The following PCDH15 variants were observed in gnomAD, a reference collection of about 807,000 sequenced individuals.
PCDH15 encodes protocadherin related 15.
PCDH15 carries 129 observed loss-of-function variants against 178.5 expected under a neutral mutation model. The ratio of observed to expected loss-of-function variants is 0.72; its 90% CI spans 0.63 to 0.84. The LOEUF (loss-of-function observed/expected upper bound fraction) is 0.84, where lower values mean the gene tolerates loss of function less well. Among genes scored for constraint, PCDH15 ranks in the 40% least tolerant of loss-of-function variants. The pLI, the probability that PCDH15 is intolerant of heterozygous loss-of-function variation, is 0.00. For synonymous variants in PCDH15, 800 were observed against 732.0 expected (o/e 1.09, Z -1.50); for missense variants, 2,230 against 2,099.9 (o/e 1.06, Z -1.21).
chr10:54,841,096 C>T (rs1288885644), intron 3 of PCDH15, among the ~76,000 whole-genome samples: 1 of 151,764 alleles, frequency 6.6e-6, no homozygotes, highest in East Asian at 1.9e-4. Flanking sequence ...GAACATTCCA[C>T]CCATAAACAG....
intron 2 of PCDH15, among the ~76,000 whole-genome samples, chr10:55,569,396 T>C (rs1312634073): frequency 1.3e-5 from 2 of 152,024 alleles, no homozygotes; most frequent in African/African-American, 4.8e-5. Context: ...ATATTTAGTG[T>C]TATGCTCATC....
At chr10:54,404,794 C>A (rs1475763718) in intron 3 of PCDH15, among the ~76,000 whole-genome samples, 1 of 151,740 alleles carries the variant, frequency 6.6e-6, no homozygotes, top group Non-Finnish European at 1.5e-5. Flanking sequence ...GGAATTTAAG[C>A]AAATTTTTAA....
At chr10:55,502,204 C>T (rs534861235) in intron 2 of PCDH15, among the ~76,000 whole-genome samples, 3 of 151,542 alleles carry the variant, frequency 2.0e-5, no homozygotes, top group Admixed American at 1.3e-4. Flanking sequence ...TCATATTGCA[C>T]GTCATTTCCA....
intron 3 of PCDH15, among the ~76,000 whole-genome samples, chr10:54,509,928 C>T (rs754333830): frequency 1.4e-4 from 21 of 152,188 alleles, no homozygotes; most frequent in Non-Finnish European, 2.6e-4. Context: ...CGATCATGCA[C>T]TGCTGTGTGA....
chr10:54,179,726 C>T (rs2133754917), intron 13 of PCDH15, among the ~76,000 whole-genome samples: 1 of 152,148 alleles, frequency 6.6e-6, no homozygotes, highest in African/African-American at 2.4e-5. Context: ...TTATGGGTGG[C>T]CAAATCATTT....
intron 5 of PCDH15, among the ~76,000 whole-genome samples, chr10:54,362,238 C>G (rs892718024): frequency 3.9e-5 from 6 of 151,938 alleles, no homozygotes; most frequent in African/African-American, 1.4e-4. Context: ...CATATCTATG[C>G]AGTATTCTTA....
chr10:53,924,815 C>G (rs1005795921), intron 25 of PCDH15, among the ~76,000 whole-genome samples: 2 of 152,176 alleles, frequency 1.3e-5, no homozygotes, highest in African/African-American at 2.4e-5. Context: ...ACTGTAAATA[C>G]ACCAAATCAG....
chr10:54,466,409 C>T (rs2077519083), intron 3 of PCDH15, among the ~76,000 whole-genome samples: 1 of 151,836 alleles, frequency 6.6e-6, no homozygotes, highest in Non-Finnish European at 1.5e-5. Context: ...TCTGATCTTG[C>T]CAACACCATT....
chr10:54,135,717 A>G (rs974611321), intron 14 of PCDH15, among the ~76,000 whole-genome samples: 1 of 152,202 alleles, frequency 6.6e-6, no homozygotes, highest in East Asian at 1.9e-4. Context: ...AAGTCCTACA[A>G]CGTTATTGGT....
intron 2 of PCDH15, among the ~76,000 whole-genome samples, chr10:54,580,590 C>T (rs1394665250): frequency 6.6e-6 from 1 of 151,972 alleles, no homozygotes; most frequent in Admixed American, 6.6e-5. Flanking sequence ...CTCTGTAACT[C>T]ATTCTATGAA....
rs1841026664 is a variant in PCDH15, at chr10:53,804,227, T to A, written c.*2352A>T. Reference sequence around the variant, plus strand: ...GACCTCATGATTGTTTTTACTGAAATGATCAAGTTTAAATTACTGAAATGT... The same window carrying A: ...GACCTCATGATTGTTTTTACTGAAAAGATCAAGTTTAAATTACTGAAATGT... On this transcript the variant is annotated 3_prime_UTR_variant, in exon 38 of 38. Transcript: ENST00000644397. The A allele has an allele frequency of 6.6e-6, 1 of 152,000 alleles. No individual in the cohort carries two copies. The allele number at this position is 152,000 out of a possible 1,614,324, so 9.4% of individuals were successfully genotyped here.
chr10:54,211,624 C>A (rs945074460), intron 10 of PCDH15, among the ~76,000 whole-genome samples: 7 of 152,006 alleles, frequency 4.6e-5, no homozygotes, highest in African/African-American at 1.7e-4. Flanking sequence ...AAGCAGAATT[C>A]TTCTTCAAAA....
chr10:55,432,001 A>T (rs1838891427), intron 2 of PCDH15, among the ~76,000 whole-genome samples: 1 of 152,064 alleles, frequency 6.6e-6, no homozygotes, highest in Non-Finnish European at 1.5e-5. Context: ...TTTCATGCAC[A>T]TATGTTATGT....
At chr10:54,281,734 T>C (rs2058716993) in intron 8 of PCDH15, among the ~76,000 whole-genome samples, 1 of 152,012 alleles carries the variant, frequency 6.6e-6, no homozygotes, top group African/African-American at 2.4e-5. Flanking sequence ...GGAAAGATAA[T>C]TTTAGTACTA....
chr10:54,384,899 C>T (rs1330703917), intron 3 of PCDH15, among the ~76,000 whole-genome samples: 2 of 151,934 alleles, frequency 1.3e-5, no homozygotes, highest in Admixed American at 1.3e-4. Context: ...AAAAAATAAA[C>T]AAAAACACCT....
At chr10:54,629,415 T>C (rs764254992) in intron 2 of PCDH15, among the ~76,000 whole-genome samples, 2 of 152,258 alleles carry the variant, frequency 1.3e-5, no homozygotes, top group East Asian at 1.9e-4. Flanking sequence ...GAAGGCTATA[T>C]TCCTGGGAAG....
intron 2 of PCDH15, among the ~76,000 whole-genome samples, chr10:55,094,028 G>C (rs543291132): frequency 6.6e-6 from 1 of 152,068 alleles, no homozygotes; most frequent in South Asian, 2.1e-4. Flanking sequence ...TTGACCCAGG[G>C]AACCCATTGC....
chr10:54,094,774 G>C (rs1310730560), intron 15 of PCDH15, among the ~76,000 whole-genome samples: 1 of 151,756 alleles, frequency 6.6e-6, no homozygotes, highest in Admixed American at 6.6e-5. Context: ...TTTTAATTTT[G>C]CCTGAAGAAC....
intron 18 of PCDH15, among the ~76,000 whole-genome samples, chr10:54,059,331 G>C (rs2093966289): frequency 6.6e-6 from 1 of 152,076 alleles, no homozygotes; most frequent in Admixed American, 6.6e-5. Flanking sequence ...TGGGTCTACT[G>C]TTGGGAGTAT....
Sources: allele counts gnomAD v4.1 joint callset (sites outside exome capture counted in the v4.1 genomes callset), GRCh38; gene constraint gnomAD v4.1.1; transcripts MANE v1.5; gene names NCBI Gene and HGNC (gene_info 2026-07-23, HGNC 2026-07-21).